Variants in MSH3 observed in about 807,000 individuals in gnomAD.
MSH3 encodes the protein DNA mismatch repair protein Msh3.
Under a neutral mutation model 123.3 loss-of-function variants are expected in MSH3, and 106 were observed. That is an observed-to-expected ratio of 0.86 (90% CI 0.73 to 1.01). The LOEUF is 1.01. Among genes scored for constraint, MSH3 ranks in the 50% least tolerant of loss-of-function variants. MSH3 has a pLI of 0.00. For missense variants in MSH3, 1,459 were observed against 1,347.6 expected (o/e 1.08, Z -1.29); for synonymous variants, 515 against 481.4 (o/e 1.07, Z -0.91).
At chr5:80,729,429 A>ATGTGTGTGTGTGTGTGTGT (rs1561458052) in intron 10 of MSH3, among the ~76,000 whole-genome samples, 2 of 62,794 alleles carry the variant, frequency 3.2e-5, no homozygotes, top group African/African-American at 1.4e-4. Context: ...AAAAAAAAAA[A>ATGTGTGTGTGTGTGTGTGT]ATGTGTGTGT....
chr5:80,777,944 C>G (rs1466790225), intron 16 of MSH3, among the ~76,000 whole-genome samples: 1 of 152,192 alleles, frequency 6.6e-6, no homozygotes, highest in African/African-American at 2.4e-5. Flanking sequence ...ATCCTGTCAA[C>G]AGTACCTATG....
intron 19 of MSH3, among the ~76,000 whole-genome samples, chr5:80,807,445 A>G (rs1429478328): frequency 6.6e-6 from 1 of 152,198 alleles, no homozygotes; most frequent in African/African-American, 2.4e-5. Context: ...TGGATACACA[A>G]TTTTTGGTAA....
intron 7 of MSH3, among the ~76,000 whole-genome samples, chr5:80,675,395 G>A (rs569528636): frequency 1.4e-4 from 21 of 152,090 alleles, no homozygotes; most frequent in Non-Finnish European, 1.9e-4. Flanking sequence ...GGTTTAATTG[G>A]CTCATGGTTC....
At chr5:80,792,979 A>G in intron 19 of MSH3, 135 bp downstream of exon 19, 3 of 640,026 alleles carry the variant, frequency 4.7e-6, no homozygotes, top group South Asian at 1.9e-5. Flanking sequence ...ACATAGTTTT[A>G]TATTTACCAC....
chr5:80,863,485 A>G (rs1016040652), intron 21 of MSH3, among the ~76,000 whole-genome samples: 1 of 152,128 alleles, frequency 6.6e-6, no homozygotes, highest in African/African-American at 2.4e-5. Context: ...CCTGGCTAAC[A>G]CGGTGAAACC....
intron 20 of MSH3, among the ~76,000 whole-genome samples, chr5:80,830,727 T>C (rs1360554604): frequency 6.6e-6 from 1 of 152,198 alleles, no homozygotes; most frequent in Non-Finnish European, 1.5e-5. Flanking sequence ...TGAAGGAAAA[T>C]ACCTGTGTCC....
intron 2 of MSH3, among the ~76,000 whole-genome samples, chr5:80,663,663 AG>A: frequency 6.6e-6 from 1 of 152,228 alleles, no homozygotes; most frequent in Non-Finnish European, 1.5e-5. Flanking sequence ...ATAGTAAACA[AG>A]GTGAATATAC....
chr5:80,682,665 T>C (rs1372484997), intron 8 of MSH3, among the ~76,000 whole-genome samples: 1 of 152,236 alleles, frequency 6.6e-6, no homozygotes, highest in Non-Finnish European at 1.5e-5. Context: ...CAATGCATAA[T>C]AATTACATCA....
At chr5:80,726,650 G>A (rs1561457090) in intron 9 of MSH3, among the ~76,000 whole-genome samples, 2 of 151,884 alleles carry the variant, frequency 1.3e-5, no homozygotes, top group African/African-American at 2.4e-5. Context: ...TATTTTTTTT[G>A]TAGAGGTGGG....
At chr5:80,690,515 G>T (rs192543576) in intron 8 of MSH3, among the ~76,000 whole-genome samples, 1 of 151,928 alleles carries the variant, frequency 6.6e-6, no homozygotes, top group South Asian at 2.1e-4. Context: ...TAGGGGTTTC[G>T]CTGTGTAGGT....
At chr5:80,871,042 C>T (rs767502363) in intron 22 of MSH3, among the ~76,000 whole-genome samples, 2 of 152,024 alleles carry the variant, frequency 1.3e-5, no homozygotes, top group East Asian at 1.9e-4. Flanking sequence ...TCATTATATC[C>T]CAGTTCTTTT....
rs554727212 is a variant in MSH3, at chr5:80,707,814, G to T, written c.1341-17639G>T. 3.9e-5 allele frequency among the ~76,000 whole-genome samples: 6 copies of T among 152,308 alleles called. No homozygotes were observed. The South Asian group carries it at 1.2e-3, about 32-fold the overall frequency. On this transcript the variant is annotated intron_variant, in intron 8 of 23. Coordinates refer to ENST00000265081, the MANE Select transcript of MSH3 (RefSeq NM_002439.5). Reference sequence around the variant, plus strand: ...ACCCTCCTCTCAGCAGTGTGTGAGAGCTGTAGTTGCTCCACATTCTTGCTG... The same window carrying T: ...ACCCTCCTCTCAGCAGTGTGTGAGATCTGTAGTTGCTCCACATTCTTGCTG...
intron 12 of MSH3, among the ~76,000 whole-genome samples, chr5:80,756,727 CA>C (rs1234528839): frequency 6.6e-6 from 1 of 152,108 alleles, no homozygotes; most frequent in Non-Finnish European, 1.5e-5. Flanking sequence ...TGTAGACTAG[CA>C]AAGCTCTGTT....
In MSH3 at chr5:80,670,105, ACTTTTTGAT is replaced by A; in HGVS notation, c.591_599del (p.Phe198_Leu200del). 1.2e-6 allele frequency: 2 copies of A among 1,614,084 alleles called. No homozygotes were observed. The highest frequency in any genetic ancestry group is 1.7e-6 in the Non-Finnish European group (2 of 1,179,976). On this transcript the variant is annotated inframe_deletion, in exon 4 of 24. Coordinates refer to ENST00000265081, the MANE Select transcript of MSH3 (RefSeq NM_002439.5). The stretch of plus-strand genomic sequence containing the variant: ...CATCTTTTGGTTGCCAGGACACAAC[ACTTTTTGAT>A]CTCAGTCAGTTTGGATCATCAAATA...
At chr5:80,676,178 C>T (rs956950689) in intron 7 of MSH3, among the ~76,000 whole-genome samples, 9 of 152,068 alleles carry the variant, frequency 5.9e-5, no homozygotes, top group African/African-American at 1.9e-4. Context: ...CTACAGTCAC[C>T]CACCATCATA....
At chr5:80,731,199 G>A (rs534298185) in intron 10 of MSH3, among the ~76,000 whole-genome samples, 5 of 151,920 alleles carry the variant, frequency 3.3e-5, no homozygotes, top group East Asian at 1.9e-4. Flanking sequence ...CACCGTGTCC[G>A]GCCTGTCTTC....
intron 20 of MSH3, among the ~76,000 whole-genome samples, chr5:80,821,350 C>T (rs1745203045): frequency 6.6e-6 from 1 of 152,182 alleles, no homozygotes; most frequent in Non-Finnish European, 1.5e-5. Context: ...TTCCCTGCCC[C>T]ACTCAGGATG....
At chr5:80,751,830 A>G (rs1311736516) in intron 12 of MSH3, among the ~76,000 whole-genome samples, 2 of 152,148 alleles carry the variant, frequency 1.3e-5, no homozygotes. Context: ...CCCAAAACAA[A>G]TAGGCCCATT....
At chr5:80,716,799 T>C (rs1750970386) in intron 8 of MSH3, among the ~76,000 whole-genome samples, 1 of 152,226 alleles carries the variant, frequency 6.6e-6, no homozygotes, top group South Asian at 2.1e-4. Context: ...CCTACCCTAC[T>C]GTGCTATCAA....
Sources: allele counts gnomAD v4.1 joint callset (sites outside exome capture counted in the v4.1 genomes callset), GRCh38; gene constraint gnomAD v4.1.1; transcripts MANE v1.5; gene names NCBI Gene and HGNC (gene_info 2026-07-23, HGNC 2026-07-21).